MLLT3: variants seen among roughly 807,000 people sequenced by gnomAD.
MLLT3 encodes MLLT3 super elongation complex subunit.
MLLT3 carries 4 observed loss-of-function variants against 53.2 expected under a neutral mutation model. The ratio of observed to expected loss-of-function variants is 0.08; its 90% CI spans 0.04 to 0.17. MLLT3 has a LOEUF of 0.17. Ranked by LOEUF, MLLT3 falls within the 10% of genes least tolerant of loss-of-function variation. MLLT3 has a pLI of 1.00. For missense variants in MLLT3, 569 were observed against 684.0 expected (o/e 0.83, Z 1.87); for synonymous variants, 283 against 230.6 (o/e 1.23, Z -2.06).
chr9:20,464,350 T>C (rs1824184211), intron 2 of MLLT3, among the ~76,000 whole-genome samples: 1 of 152,094 alleles, frequency 6.6e-6, no homozygotes. Flanking sequence ...CCAGAGACCG[T>C]TGCCTGCTAA....
chr9:20,475,244 G>A (rs1044169763), intron 2 of MLLT3, among the ~76,000 whole-genome samples: 1 of 152,078 alleles, frequency 6.6e-6, no homozygotes, highest in African/African-American at 2.4e-5. Flanking sequence ...GACTGTTAAC[G>A]ACTGTGCTTT....
chr9:20,515,159 G>A (rs1024107872), intron 2 of MLLT3, among the ~76,000 whole-genome samples: 2 of 151,938 alleles, frequency 1.3e-5, no homozygotes. Context: ...TGTTGGCCAG[G>A]CTGGTCTCAA....
intron 2 of MLLT3, among the ~76,000 whole-genome samples, chr9:20,563,197 A>G (rs1819260428): frequency 6.6e-6 from 1 of 152,166 alleles, no homozygotes; most frequent in African/African-American, 2.4e-5. Flanking sequence ...TTTAAAACAT[A>G]TGGATTACAA....
At chr9:20,605,237 T>C (rs1308487119) in intron 2 of MLLT3, among the ~76,000 whole-genome samples, 4 of 152,102 alleles carry the variant, frequency 2.6e-5, no homozygotes, top group South Asian at 2.1e-4. Flanking sequence ...ACTTACACTG[T>C]TCAAAATAAA....
chr9:20,427,126 C>T (rs771043962), intron 4 of MLLT3, among the ~76,000 whole-genome samples: 1 of 151,944 alleles, frequency 6.6e-6, no homozygotes, highest in African/African-American at 2.4e-5. Flanking sequence ...AACAAGCCAC[C>T]ATGATGTGAG....
rs77353737 is a variant in MLLT3 at position 20,599,277 on chromosome 9, C to G, written c.193+21377G>C. Among the ~76,000 whole-genome samples the G allele has an allele frequency of 9.9e-3, 1,476 of 148,514 alleles. 56 individuals are homozygous for G. The East Asian group carries it at 0.14, about 14-fold the overall frequency. ...CAAGATCGTGCCACTGCACGTCAGC[C>G]TGGGCGACAGAGTAAGACTCTGTCT... is the stretch of plus-strand genomic sequence containing the variant. On this transcript the variant is annotated intron_variant, in intron 2 of 10. Transcript: ENST00000380338.
chr9:20,597,908 C>T (rs1176926300), intron 2 of MLLT3, among the ~76,000 whole-genome samples: 1 of 152,138 alleles, frequency 6.6e-6, no homozygotes, highest in African/African-American at 2.4e-5. Flanking sequence ...TAGATATCTG[C>T]TTAGTGTTCC....
At chr9:20,364,144 A>C (rs1821391627) in intron 6 of MLLT3, among the ~76,000 whole-genome samples, 1 of 152,242 alleles carries the variant, frequency 6.6e-6, no homozygotes, top group South Asian at 2.1e-4. Flanking sequence ...TCTGATCTTC[A>C]CATTGATCTT....
chr9:20,384,527 T>C (rs1821982477), intron 5 of MLLT3, among the ~76,000 whole-genome samples: 1 of 152,084 alleles, frequency 6.6e-6, no homozygotes. Context: ...AATGTTAATG[T>C]TATCCAAAAA....
intron 2 of MLLT3, among the ~76,000 whole-genome samples, chr9:20,491,335 G>C (rs1390848069): frequency 6.6e-6 from 1 of 151,950 alleles, no homozygotes; most frequent in African/African-American, 2.4e-5. Flanking sequence ...AACCATGTGA[G>C]AGAGTTTTTT....
intron 4 of MLLT3, among the ~76,000 whole-genome samples, chr9:20,435,646 G>C (rs1379600834): frequency 1.3e-5 from 2 of 152,182 alleles, no homozygotes; most frequent in African/African-American, 4.8e-5. Context: ...TAGGCAGAAA[G>C]TGGGAGGTGT....
chr9:20,509,112 C>T (rs931566270), intron 2 of MLLT3, among the ~76,000 whole-genome samples: 2 of 152,074 alleles, frequency 1.3e-5, no homozygotes, highest in African/African-American at 4.8e-5. Flanking sequence ...TGTACAATGC[C>T]CACAACCGTT....
intron 2 of MLLT3, among the ~76,000 whole-genome samples, chr9:20,550,244 T>A (rs1818893506): frequency 6.6e-6 from 1 of 152,148 alleles, no homozygotes; most frequent in Non-Finnish European, 1.5e-5. Flanking sequence ...AGAAGTGACT[T>A]ACAAATAATA....
At chr9:20,346,649 G>A in intron 10 of MLLT3, 75 bp from the exon 11 acceptor site, 1 of 1,407,030 alleles carries the variant, frequency 7.1e-7, no homozygotes, top group Admixed American at 2.1e-5. Flanking sequence ...TAATGGAGGG[G>A]CGATCAAATA....
chr9:20,492,967 T>C (rs1222494701), intron 2 of MLLT3, among the ~76,000 whole-genome samples: 1 of 151,934 alleles, frequency 6.6e-6, no homozygotes, highest in Non-Finnish European at 1.5e-5. Context: ...CCTTTAAATA[T>C]TGGCCAAGAA....
chr9:20,541,688 G>T (rs757778004), intron 2 of MLLT3, among the ~76,000 whole-genome samples: 5 of 152,160 alleles, frequency 3.3e-5, no homozygotes, highest in Non-Finnish European at 7.4e-5. Context: ...TGAGATTTGG[G>T]TGAGGACATA....
intron 2 of MLLT3, among the ~76,000 whole-genome samples, chr9:20,502,095 G>GT (rs1825255972): frequency 1.8e-5 from 1 of 55,502 alleles, no homozygotes; most frequent in Non-Finnish European, 4.2e-5. Context: ...AAAAAAAAAG[G>GT]GGGGGGGGGG....
chr9:20,408,816 A>T (rs1036135760), intron 5 of MLLT3, among the ~76,000 whole-genome samples: 2 of 152,222 alleles, frequency 1.3e-5, no homozygotes, highest in African/African-American at 4.8e-5. Context: ...CAGTTTAAGC[A>T]GGGCAATGAA....
chr9:20,542,215 G>A (rs886733723), intron 2 of MLLT3, among the ~76,000 whole-genome samples: 4 of 151,234 alleles, frequency 2.6e-5, no homozygotes, highest in Non-Finnish European at 5.9e-5. Context: ...CTGTAACCAG[G>A]CACATGGTCA....
Sources: allele counts gnomAD v4.1 joint callset (sites outside exome capture counted in the v4.1 genomes callset), GRCh38; gene constraint gnomAD v4.1.1; transcripts MANE v1.5; gene names NCBI Gene and HGNC (gene_info 2026-07-23, HGNC 2026-07-21).